ANKRD42: variants seen among roughly 807,000 people sequenced by gnomAD.
ANKRD42 encodes the protein ankyrin repeat domain-containing protein 42.
A neutral mutation model predicts 51.5 loss-of-function variants in ANKRD42; 43 were observed. The ratio of observed to expected loss-of-function variants is 0.83; its 90% CI spans 0.65 to 1.08. The LOEUF (loss-of-function observed/expected upper bound fraction) is 1.08, where lower values mean the gene tolerates loss of function less well. Among genes scored for constraint, ANKRD42 ranks in the 50% least tolerant of loss-of-function variants. The pLI is 0.00. For synonymous variants in ANKRD42, 203 were observed against 213.0 expected (o/e 0.95, Z 0.41); for missense variants, 608 against 629.3 (o/e 0.97, Z 0.36).
At chr11:83,215,969 A>G (rs1353035018) in intron 5 of ANKRD42, among the ~76,000 whole-genome samples, 1 of 151,878 alleles carries the variant, frequency 6.6e-6, no homozygotes, top group Non-Finnish European at 1.5e-5. Context: ...TAATTTTTGT[A>G]TTTTTCATAG....
exon 12 of ANKRD42, chr11:83,255,848 G>A (rs1049950714): frequency 1.3e-6 from 2 of 1,527,952 alleles, no homozygotes; most frequent in Non-Finnish European, 1.7e-6. Context: ...CTTATAGGAA[G>A]ACAGCGCTTC....
At position 83,194,585 on chromosome 11, in the gene ANKRD42, G is replaced by T. The variant is rs1861552247; in HGVS notation, c.-86G>T. 2.2e-6 allele frequency: 3 copies of T among 1,366,258 alleles called. No individual in the cohort carries two copies. The Middle Eastern group carries it at 5.3e-4, about 242-fold the overall frequency. 84.6% of individuals were successfully genotyped at this position (1,366,258 alleles called of 1,614,324 possible). A position where few individuals can be genotyped will look rare whatever the true frequency, so the allele number is the denominator to read the frequency against. On this transcript the variant is annotated 5_prime_UTR_variant, in exon 1 of 11. Coordinates refer to ENST00000533342, the MANE Select transcript of ANKRD42 (RefSeq NM_001300975.2). ...GGAGAAGAGGGCCGCTGCCGCTGCA[G>T]TGGCTCGTGGGTGAGAGCAAGTGAA...
At chr11:83,262,005 G>A (rs1272723022), downstream of ANKRD42, 7 of 1,366,048 alleles carry the variant, frequency 5.1e-6, no homozygotes, top group Non-Finnish European at 7.1e-6. Flanking sequence ...TCTTGTATCT[G>A]TAATTATTTT....
intron 5 of ANKRD42, among the ~76,000 whole-genome samples, chr11:83,224,524 T>C (rs910468562): frequency 2.0e-5 from 3 of 152,202 alleles, no homozygotes; most frequent in Admixed American, 6.5e-5. Flanking sequence ...AAAGGTCTCT[T>C]CTCCGTGTTC....
intron 2 of ANKRD42, among the ~76,000 whole-genome samples, chr11:83,199,061 G>A (rs916693021): frequency 6.6e-6 from 1 of 152,196 alleles, no homozygotes; most frequent in African/African-American, 2.4e-5. Context: ...CTACATGTGA[G>A]CTAGTTTCTA....
At position 83,248,576 on chromosome 11, in the gene ANKRD42, A is replaced by G; in HGVS notation, c.*372A>G. 1 of 990,222 alleles carries G rather than the reference A, an allele frequency of 1.0e-6. No homozygotes were observed. The highest frequency in any genetic ancestry group is 4.7e-5 in the South Asian group (1 of 21,358). 61.3% of individuals were successfully genotyped at this position (990,222 alleles called of 1,614,324 possible). ...TTTCTTTCCATAGGGAAGTTTCTTC[A>G]TCAATCATCATGGATGAATTAATTC... is the stretch of plus-strand genomic sequence containing the variant. On this transcript the variant is annotated 3_prime_UTR_variant, in exon 11 of 11. Transcript: ENST00000533342.
intron 2 of ANKRD42, among the ~76,000 whole-genome samples, chr11:83,201,242 AT>A (rs1861860707): frequency 6.6e-6 from 1 of 152,042 alleles, no homozygotes; most frequent in Non-Finnish European, 1.5e-5. Context: ...GAGTGAGAAC[AT>A]GTGGTGTTTG....
At chr11:83,216,518 G>T (rs944866564) in intron 5 of ANKRD42, among the ~76,000 whole-genome samples, 1 of 151,776 alleles carries the variant, frequency 6.6e-6, no homozygotes, top group Non-Finnish European at 1.5e-5. Flanking sequence ...TAGAGACGGG[G>T]TTTCACCGTG....
intron 5 of ANKRD42, among the ~76,000 whole-genome samples, chr11:83,220,338 A>C (rs1435618942): frequency 6.6e-6 from 1 of 152,080 alleles, no homozygotes; most frequent in East Asian, 1.9e-4. Context: ...ACAGGTGCCC[A>C]GTTTAGCCTC....
intron 9 of ANKRD42, among the ~76,000 whole-genome samples, chr11:83,243,578 A>G (rs1863452493): frequency 1.3e-5 from 2 of 152,088 alleles, no homozygotes; most frequent in African/African-American, 2.4e-5. Flanking sequence ...AATCCCCTCT[A>G]TCTTCTTACT....
chr11:83,245,472 G>A, intron 9 of ANKRD42, 26 bp from the exon 10 acceptor site: 2 of 1,533,780 alleles, frequency 1.3e-6, no homozygotes, highest in South Asian at 1.2e-5. Flanking sequence ...TGTCTAACTA[G>A]GTTCCTACTC....
At chr11:83,216,963 G>A (rs950800801) in intron 5 of ANKRD42, among the ~76,000 whole-genome samples, 8 of 140,234 alleles carry the variant, frequency 5.7e-5, no homozygotes, top group African/African-American at 2.1e-4. Flanking sequence ...CCCTGCAGTT[G>A]TGGTGTCCTC....
intron 5 of ANKRD42, among the ~76,000 whole-genome samples, chr11:83,216,330 C>CT (rs1232280858): frequency 1.5e-3 from 214 of 144,126 alleles, no homozygotes; most frequent in East Asian, 2.6e-3. Context: ...TTTACCATTT[C>CT]TTTTTTTTTT....
At chr11:83,232,108 T>C (rs1405901056) in intron 7 of ANKRD42, among the ~76,000 whole-genome samples, 1 of 151,384 alleles carries the variant, frequency 6.6e-6, no homozygotes, top group Non-Finnish European at 1.5e-5. Context: ...TAGCTTTTTT[T>C]TTTTTTTTTT....
At chr11:83,197,551 G>A (rs1861706615) in intron 1 of ANKRD42, among the ~76,000 whole-genome samples, 1 of 152,216 alleles carries the variant, frequency 6.6e-6, no homozygotes. Context: ...AGTAGTACAA[G>A]GTTGCACAGA....
At chr11:83,236,325 G>A in intron 7 of ANKRD42, 79 bp from the exon 8 acceptor site, 1 of 1,196,070 alleles carries the variant, frequency 8.4e-7, no homozygotes, top group Non-Finnish European at 1.2e-6. Flanking sequence ...TAATGGTACT[G>A]TCCAAAATTT....
intron 9 of ANKRD42, among the ~76,000 whole-genome samples, chr11:83,242,567 G>GTTTTTTTTTTTTTTGTTTTTTTTTTTTT: frequency 8.7e-6 from 1 of 115,546 alleles, no homozygotes. Context: ...TGGTAGTTAA[G>GTTTTTTTTTTTTTTGTTTTTTTTTTTTT]TTTTTTTTTT....
chr11:83,228,389 C>T (rs1026027523), intron 7 of ANKRD42, among the ~76,000 whole-genome samples: 5 of 151,370 alleles, frequency 3.3e-5, no homozygotes, highest in African/African-American at 2.4e-5. Flanking sequence ...CCACCACACC[C>T]GGCTAATTTT....
rs556304932 is a variant in ANKRD42, at chr11:83,247,980, C to T, written c.1360C>T (p.Arg454Ter). The T allele has an allele frequency of 4.4e-5, 71 of 1,613,674 alleles. 1 individual carries two copies. The highest frequency in any genetic ancestry group is 8.0e-5 in the African/African-American group (6 of 74,990). ...KELQGQLEYE[R>*]LRREKLECQL... ...ACTGCAGGGCCAGCTGGAGTATGAA[C>T]GACTACGTAGAGAAAAATTAGAATG... The change falls in exon 11 of 11, where the codon CGA (arginine) becomes TGA (stop). Residue 454 changes from arginine (R) to a stop codon, truncating the protein, a stop_gained. Transcript: ENST00000533342. LOFTEE classifies it low-confidence loss of function (END_TRUNC).
Sources: allele counts gnomAD v4.1 joint callset (sites outside exome capture counted in the v4.1 genomes callset), GRCh38; gene constraint gnomAD v4.1.1; transcripts MANE v1.5; gene names NCBI Gene and HGNC (gene_info 2026-07-23, HGNC 2026-07-21).